Variants in DSCAM observed in about 807,000 individuals in gnomAD.
DSCAM encodes the protein cell adhesion molecule DSCAM.
DSCAM carries 47 observed loss-of-function variants against 217.7 expected under a neutral mutation model. The ratio of observed to expected loss-of-function variants is 0.22; its 90% CI spans 0.17 to 0.28. The LOEUF (loss-of-function observed/expected upper bound fraction) is 0.28. Ranked by LOEUF, DSCAM falls within the 10% of genes least tolerant of loss-of-function variation. The pLI is 1.00. For synonymous variants in DSCAM, 1,056 were observed against 1,015.3 expected (o/e 1.04, Z -0.76); for missense variants, 2,080 against 2,618.3 (o/e 0.79, Z 4.49).
rs145449616 is a variant in DSCAM, at chr21:40,662,375, G to A, written c.508+30435C>T. On this transcript the variant is annotated intron_variant, in intron 3 of 32. Transcript: ENST00000400454. ...CTTGCTTAAACAGCATGAGTTCCGTGCTTTATATTGAGACTGGCATATTTA... is the reference window on the plus strand; with the variant it reads ...CTTGCTTAAACAGCATGAGTTCCGTACTTTATATTGAGACTGGCATATTTA... Among the ~76,000 whole-genome samples the A allele has an allele frequency of 3.3e-5, 5 of 152,182 alleles. No homozygotes were observed. In the East Asian group the frequency reaches 9.7e-4, roughly 29 times the overall value.
chr21:40,025,874 G>A (rs200650033), intron 32 of DSCAM, among the ~76,000 whole-genome samples: 15 of 150,052 alleles, frequency 1.0e-4, no homozygotes, highest in South Asian at 4.2e-4. Flanking sequence ...TATTTGCTTC[G>A]GTTCTACTCT....
At chr21:40,657,546 T>C (rs1601827173) in intron 3 of DSCAM, among the ~76,000 whole-genome samples, 1 of 152,164 alleles carries the variant, frequency 6.6e-6, no homozygotes, top group Non-Finnish European at 1.5e-5. Context: ...GAGAACAGGA[T>C]ACCAGAGGGC....
rs1469439167 is a variant in DSCAM, at chr21:40,111,902, T to C, written c.3696+12293A>G. 3.9e-5 allele frequency among the ~76,000 whole-genome samples: 6 copies of C among 151,950 alleles called. No individual in the cohort carries two copies. In the East Asian group the frequency reaches 7.7e-4, roughly 20 times the overall value. On this transcript the variant is annotated intron_variant, in intron 20 of 32. Transcript: ENST00000400454. ...ATATATGCACCCAATACAGGAGCAC[T>C]CAGATTCATAAAGCAAGTCCTTAGA...
At chr21:40,811,235 T>A (rs564423709) in intron 1 of DSCAM, among the ~76,000 whole-genome samples, 13 of 152,302 alleles carry the variant, frequency 8.5e-5, no homozygotes, top group African/African-American at 2.9e-4. Context: ...AGCCTCCATG[T>A]GATATTTAAA....
chr21:40,726,186 C>T (rs114603096), intron 1 of DSCAM, among the ~76,000 whole-genome samples: 2 of 151,926 alleles, frequency 1.3e-5, no homozygotes, highest in Non-Finnish European at 2.9e-5. Flanking sequence ...GTGTTTAGTC[C>T]GTTGGAGAAT....
Position 40,708,763 on chromosome 21 carries a change from C to T in DSCAM, c.52G>A (p.Glu18Lys), listed in dbSNP as rs777424922. The T allele has an allele frequency of 1.9e-6, 3 of 1,550,728 alleles. No individual in the cohort carries two copies. Among genetic ancestry groups the T allele is most frequent in the East Asian group, 2.3e-5 (1 of 42,740 alleles). ...LFQSFANVFS[E>K]DLHSSLYFVN... ...AAGTAGAGGCTGGAGTGTAGGTCTT[C>T]ACTGAAAACTGCAAGAAGACAACAC... Residue 18 changes from glutamate (E) to lysine (K), a missense_variant, in exon 2 of 33, where the codon GAA (glutamate) becomes AAA (lysine). Coordinates refer to ENST00000400454, the MANE Select transcript of DSCAM (RefSeq NM_001389.5).
chr21:40,094,197 C>T (rs959899857), intron 20 of DSCAM, among the ~76,000 whole-genome samples: 1 of 152,172 alleles, frequency 6.6e-6, no homozygotes, highest in Non-Finnish European at 1.5e-5. Context: ...GAGGAACACA[C>T]ACCATCCATA....
chr21:40,800,963 T>TC (rs1225634510), intron 1 of DSCAM, among the ~76,000 whole-genome samples: 6 of 44,842 alleles, frequency 1.3e-4, no homozygotes, highest in African/African-American at 1.7e-4. Flanking sequence ...TTTCTTCTCC[T>TC]TTTTTTTTTT....
At chr21:40,464,343 C>T (rs2075827770) in intron 3 of DSCAM, among the ~76,000 whole-genome samples, 1 of 152,128 alleles carries the variant, frequency 6.6e-6, no homozygotes, top group Non-Finnish European at 1.5e-5. Context: ...GATAAATAAA[C>T]TAGGTAGCAT....
chr21:40,484,773 T>TCTAGAGCCA (rs1471945532), intron 3 of DSCAM, among the ~76,000 whole-genome samples: 6 of 152,144 alleles, frequency 3.9e-5, no homozygotes, highest in African/African-American at 1.4e-4. Flanking sequence ...TGGTTACCTG[T>TCTAGAGCCA]TTTATACAGG....
intron 8 of DSCAM, among the ~76,000 whole-genome samples, chr21:40,331,083 T>C (rs1411064664): frequency 6.6e-6 from 1 of 152,108 alleles, no homozygotes; most frequent in Non-Finnish European, 1.5e-5. Context: ...AATGGAAAAA[T>C]AAACTCAAAA....
chr21:40,240,786 A>G (rs545316292), intron 11 of DSCAM, among the ~76,000 whole-genome samples: 82 of 152,244 alleles, frequency 5.4e-4, no homozygotes, highest in African/African-American at 1.8e-3. Flanking sequence ...GACGAGTGCC[A>G]CTGATCCCCT....
At chr21:40,752,008 G>A (rs1161614361) in intron 1 of DSCAM, among the ~76,000 whole-genome samples, 1 of 152,052 alleles carries the variant, frequency 6.6e-6, no homozygotes, top group African/African-American at 2.4e-5. Flanking sequence ...ACTATTCATT[G>A]TTAGCTCTAT....
chr21:40,572,816 A>AT (rs778969073), intron 3 of DSCAM, among the ~76,000 whole-genome samples: 14 of 152,210 alleles, frequency 9.2e-5, no homozygotes, highest in Non-Finnish European at 1.5e-5. Context: ...ACCATGGAAG[A>AT]TTTTAATATG....
chr21:40,731,661 T>A (rs550231006), intron 1 of DSCAM, among the ~76,000 whole-genome samples: 8 of 151,904 alleles, frequency 5.3e-5, no homozygotes, highest in African/African-American at 1.9e-4. Context: ...TATAAGGATA[T>A]CAGTCATATT....
intron 24 of DSCAM, among the ~76,000 whole-genome samples, chr21:40,083,318 A>G (rs530541582): frequency 6.6e-6 from 1 of 152,348 alleles, no homozygotes; most frequent in South Asian, 2.1e-4. Flanking sequence ...AATCCCAGCT[A>G]CTTGGGAGGT....
At chr21:40,354,694 A>C (rs2123652861) in intron 4 of DSCAM, among the ~76,000 whole-genome samples, 1 of 152,024 alleles carries the variant, frequency 6.6e-6, no homozygotes, top group African/African-American at 2.4e-5. Context: ...CTAAAAATAC[A>C]AAAAATTAGC....
At chr21:40,698,663 A>T (rs1039200158) in intron 2 of DSCAM, among the ~76,000 whole-genome samples, 1 of 152,102 alleles carries the variant, frequency 6.6e-6, no homozygotes, top group East Asian at 1.9e-4. Context: ...TGAGGTCAGG[A>T]GTTCAAGACC....
rs530969633 is a variant in DSCAM, at chr21:40,221,755, C to T, written c.2357-32517G>A. Among the ~76,000 whole-genome samples, 18 of 152,250 alleles carry T rather than the reference C, an allele frequency of 1.2e-4. No homozygotes were observed. In the South Asian group the frequency reaches 3.5e-3, roughly 30 times the overall value. ...GGCCGTTGTGGTCTTCACAATTGTC[C>T]GTCAACACTCGCAACAAAAACAAAC... On this transcript the variant is annotated intron_variant, in intron 11 of 32. Coordinates refer to ENST00000400454, the MANE Select transcript of DSCAM (RefSeq NM_001389.5).
Sources: gnomAD v4.1 joint callset for allele counts (sites outside exome capture counted in the v4.1 genomes callset) on GRCh38, gnomAD v4.1.1 for gene constraint, MANE v1.5 for transcripts, NCBI Gene and HGNC (gene_info 2026-07-23, HGNC 2026-07-21) for gene names.